CERS6: variants seen among roughly 807,000 people sequenced by gnomAD.
CERS6 encodes LAG1 homolog, ceramide synthase 6.
A neutral mutation model predicts 56.8 loss-of-function variants in CERS6; 26 were observed. The observed-to-expected ratio is 0.46, with a 90% CI of 0.34 to 0.63. CERS6 has a LOEUF of 0.63. Among genes scored for constraint, CERS6 ranks in the 30% least tolerant of loss-of-function variants. The probability of loss-of-function intolerance (pLI) is 0.01; values close to 1 mark genes in which losing one functional copy is unlikely to be tolerated. For synonymous variants in CERS6, 164 were observed against 173.3 expected, an observed-to-expected ratio of 0.95 and a Z score of 0.42; for missense variants, 415 against 467.5, an observed-to-expected ratio of 0.89 and a Z score of 1.04.
intron 4 of CERS6, among the ~76,000 whole-genome samples, chr2:168,662,748 C>T (rs866875786): frequency 5.9e-5 from 9 of 152,184 alleles, no homozygotes; most frequent in Non-Finnish European, 1.0e-4. Flanking sequence ...AACAAACAAA[C>T]GAGCCCTGGA....
intron 4 of CERS6, among the ~76,000 whole-genome samples, chr2:168,640,504 GA>G (rs1684963663): frequency 6.6e-6 from 1 of 152,192 alleles, no homozygotes; most frequent in Non-Finnish European, 1.5e-5. Flanking sequence ...GGGCACCATG[GA>G]TGAAACAGTC....
intron 4 of CERS6, among the ~76,000 whole-genome samples, chr2:168,663,985 CAG>C (rs1052435344): frequency 5.3e-5 from 8 of 152,152 alleles, no homozygotes; most frequent in African/African-American, 1.9e-4. Context: ...ATGTTGCAAA[CAG>C]AAAGGCTGCT....
intron 6 of CERS6, among the ~76,000 whole-genome samples, chr2:168,702,565 T>C (rs1056156543): frequency 6.6e-6 from 1 of 152,206 alleles, no homozygotes; most frequent in Non-Finnish European, 1.5e-5. Context: ...TTGGTAGTGA[T>C]ATTAACAAAT....
At chr2:168,673,980 C>T (rs545764230) in intron 4 of CERS6, among the ~76,000 whole-genome samples, 2 of 152,114 alleles carry the variant, frequency 1.3e-5, no homozygotes, top group Non-Finnish European at 2.9e-5. Flanking sequence ...AGGAGTTTCT[C>T]CTAGGATATG....
intron 3 of CERS6, among the ~76,000 whole-genome samples, chr2:168,625,490 A>T (rs1684570531): frequency 6.6e-6 from 1 of 152,168 alleles, no homozygotes; most frequent in African/African-American, 2.4e-5. Context: ...AAAAATTTAG[A>T]TGTCAGTTTA....
At chr2:168,559,242 C>T (rs1342263434) in intron 2 of CERS6, among the ~76,000 whole-genome samples, 6 of 151,434 alleles carry the variant, frequency 4.0e-5, no homozygotes, top group African/African-American at 1.2e-4. Context: ...TGGCAAATAA[C>T]GTTTATAGGC....
At chr2:168,604,389 ACG>A (rs1035385448) in intron 3 of CERS6, among the ~76,000 whole-genome samples, 1 of 14,470 alleles carries the variant, frequency 6.9e-5, no homozygotes, top group Non-Finnish European at 2.0e-4. Context: ...GCAGTTGTAT[ACG>A]TGTGTGTGTG....
At chr2:168,742,140 T>C (rs1432886120) in intron 8 of CERS6, among the ~76,000 whole-genome samples, 2 of 152,252 alleles carry the variant, frequency 1.3e-5, no homozygotes, top group Admixed American at 1.3e-4. Flanking sequence ...GTTATGTTGT[T>C]CACTTTAAAT....
intron 1 of CERS6, among the ~76,000 whole-genome samples, chr2:168,482,399 T>G (rs1189836243): frequency 6.6e-6 from 1 of 152,228 alleles, no homozygotes; most frequent in Non-Finnish European, 1.5e-5. Context: ...TGTGTAGCCA[T>G]AGAAGCTAAA....
At chr2:168,506,324 G>T (rs11886077) in intron 1 of CERS6, among the ~76,000 whole-genome samples, 1 of 151,768 alleles carries the variant, frequency 6.6e-6, no homozygotes, top group Admixed American at 6.6e-5. Flanking sequence ...TCTTCCAGTC[G>T]ACCTGATGTG....
rs1049579248 is a variant in CERS6 at position 168,612,150 on chromosome 2, T to C, written c.408-18835T>C. Among the ~76,000 whole-genome samples the C allele has an allele frequency of 4.6e-5, 7 of 152,336 alleles. No individual in the cohort carries two copies. The South Asian group carries it at 1.0e-3, about 23-fold the overall frequency. On this transcript the variant is annotated intron_variant, in intron 3 of 9. Transcript: ENST00000305747. ...TAACCCTTTGATGTAGGTGGTTTTA[T>C]TTTCATTTTGCAGATGAGAAAGAGG...
Position 168,698,058 on chromosome 2 carries a change from G to A in CERS6, c.609+3007G>A, listed in dbSNP as rs549918408. On this transcript the variant is annotated intron_variant, in intron 6 of 9. Transcript: ENST00000305747. ...TGTAATCCCAGCACATTAGGAGGCC[G>A]AGGTGGGTGGGTGGATCACTTGAGC... Among the ~76,000 whole-genome samples, 3 of 152,152 alleles carry A rather than the reference G, an allele frequency of 2.0e-5. No homozygotes were observed. The South Asian group carries it at 6.2e-4, about 32-fold the overall frequency.
chr2:168,575,646 A>C (rs1451557703), intron 3 of CERS6, among the ~76,000 whole-genome samples: 1 of 152,224 alleles, frequency 6.6e-6, no homozygotes, highest in East Asian at 1.9e-4. Flanking sequence ...ATAGCACTAT[A>C]GTAGCACTGT....
In CERS6 at chr2:168,769,856, C is replaced by A; in HGVS notation, c.*194C>A. Reference sequence around the variant, plus strand: ...AGAATTACCATTCTCTCTTTGTAGGCATGCTGTATGTAATTGACACAAGGG... The same window carrying A: ...AGAATTACCATTCTCTCTTTGTAGGAATGCTGTATGTAATTGACACAAGGG... On this transcript the variant is annotated 3_prime_UTR_variant, in exon 10 of 10. Coordinates refer to ENST00000305747, the MANE Select transcript of CERS6 (RefSeq NM_203463.3). 1.7e-6 allele frequency: 1 copy of A among 586,306 alleles called. No homozygotes were observed. The highest frequency in any genetic ancestry group is 3.0e-6 in the Non-Finnish European group (1 of 338,952). The allele number at this position is 586,306 out of a possible 1,614,324, so 36.3% of individuals were successfully genotyped here. A position where few individuals can be genotyped will look rare whatever the true frequency, so the allele number is the denominator to read the frequency against.
chr2:168,603,544 G>T (rs999767501), intron 3 of CERS6, among the ~76,000 whole-genome samples: 3 of 152,144 alleles, frequency 2.0e-5, no homozygotes, highest in Non-Finnish European at 4.4e-5. Flanking sequence ...TAAACTGGCC[G>T]TACCAGATTT....
intron 1 of CERS6, among the ~76,000 whole-genome samples, chr2:168,530,737 C>T (rs1695152258): frequency 6.6e-6 from 1 of 152,172 alleles, no homozygotes; most frequent in Admixed American, 6.5e-5. Flanking sequence ...TTTGACATTT[C>T]TCACATTACC....
intron 8 of CERS6, 106 bp downstream of exon 8, chr2:168,718,084 T>C (rs556284924): frequency 1.1e-5 from 8 of 746,998 alleles, no homozygotes; most frequent in African/African-American, 8.9e-5. Flanking sequence ...TTTAAATATA[T>C]TGGGGGGGAG....
intron 6 of CERS6, among the ~76,000 whole-genome samples, chr2:168,705,955 G>A (rs1407877196): frequency 1.3e-5 from 2 of 152,288 alleles, no homozygotes; most frequent in Admixed American, 6.5e-5. Flanking sequence ...TAAAAGCTGT[G>A]CAAACTAGTG....
chr2:168,532,213 C>G (rs1024914570), intron 1 of CERS6, among the ~76,000 whole-genome samples: 17 of 152,058 alleles, frequency 1.1e-4, no homozygotes, highest in African/African-American at 4.1e-4. Context: ...TATCTCTGTC[C>G]CATTCCAGTT....
Sources: allele counts gnomAD v4.1 joint callset (sites outside exome capture counted in the v4.1 genomes callset), GRCh38; gene constraint gnomAD v4.1.1; transcripts MANE v1.5; gene names NCBI Gene and HGNC (gene_info 2026-07-23, HGNC 2026-07-21).